IL17RD: variants seen among roughly 807,000 people sequenced by gnomAD.
The protein encoded by IL17RD is interleukin 17 receptor D.
IL17RD carries 52 observed loss-of-function variants against 80.5 expected under a neutral mutation model. The observed-to-expected ratio is 0.65, with a 90% CI of 0.52 to 0.81. The LOEUF (loss-of-function observed/expected upper bound fraction) is 0.81, where lower values mean the gene tolerates loss of function less well. Ranked by LOEUF, IL17RD falls within the 40% of genes least tolerant of loss-of-function variation. IL17RD has a pLI of 0.00. For missense variants in IL17RD, 1,024 were observed against 955.1 expected (o/e 1.07, Z -0.95); for synonymous variants, 416 against 391.8 (o/e 1.06, Z -0.73).
rs1440602786 is a variant in IL17RD, at chr3:57,127,314, A to AT, written c.127-7002_127-7001insA. The stretch of plus-strand genomic sequence containing the variant: ...TATATAAATATATATAAAAATATAT[A>AT]AAAATATATATAAATATATATAAAA... On this transcript the variant is annotated intron_variant, in intron 1 of 12. Transcript: ENST00000296318. 7.1e-4 allele frequency among the ~76,000 whole-genome samples: 71 copies of AT among 100,360 alleles called. 3 individuals carry two copies. Among genetic ancestry groups the AT allele is most frequent in the African/African-American group, 3.5e-3 (60 of 16,944 alleles). The allele number at this position is 100,360 out of a possible 152,430, so 65.8% of individuals were successfully genotyped here.
chr3:57,116,408 C>T (rs1370119329), intron 2 of IL17RD, among the ~76,000 whole-genome samples: 8 of 151,464 alleles, frequency 5.3e-5, no homozygotes, highest in Non-Finnish European at 1.2e-4. Flanking sequence ...CTCAGCCTCC[C>T]GAGTAGCTGG....
intron 1 of IL17RD, chr3:57,134,286 A>T: frequency 1.5e-6 from 1 of 682,246 alleles, no homozygotes; most frequent in South Asian, 1.4e-5. Context: ...TGGGCTGATC[A>T]TCTACAAACC....
upstream of IL17RD, among the ~76,000 whole-genome samples, chr3:57,166,392 T>C (rs2060348275): frequency 6.6e-6 from 1 of 152,080 alleles, no homozygotes; most frequent in African/African-American, 2.4e-5. Flanking sequence ...CTAGGCTGAG[T>C]GCAGTGGCCA....
At chr3:57,153,847 T>C (rs1243500429) in intron 1 of IL17RD, among the ~76,000 whole-genome samples, 5 of 152,170 alleles carry the variant, frequency 3.3e-5, no homozygotes, top group Non-Finnish European at 4.4e-5. Flanking sequence ...ATTTACATTT[T>C]ATATATTATA....
intron 1 of IL17RD, chr3:57,164,906 A>C: frequency 8.1e-7 from 1 of 1,228,470 alleles, no homozygotes; most frequent in Non-Finnish European, 1.0e-6. Flanking sequence ...TCTGAATGGG[A>C]CCCCGGCCGG....
chr3:57,143,818 G>A (rs1418476454), intron 1 of IL17RD, among the ~76,000 whole-genome samples: 1 of 152,206 alleles, frequency 6.6e-6, no homozygotes, highest in Non-Finnish European at 1.5e-5. Context: ...TCTGAGTGAA[G>A]GCGAGGGGGG....
chr3:57,136,641 C>CA (rs59941543), intron 1 of IL17RD, among the ~76,000 whole-genome samples: 1,982 of 47,870 alleles, frequency 0.041, 67 homozygotes, highest in Middle Eastern at 0.11. Context: ...AACCCCCACT[C>CA]AAAAAAAAAA....
At chr3:57,109,514 C>T in intron 5 of IL17RD, 23 bp downstream of exon 5, 1 of 1,601,376 alleles carries the variant, frequency 6.2e-7, no homozygotes, top group Non-Finnish European at 8.5e-7. Flanking sequence ...TCATGGGAAC[C>T]AGGCAGGAAA....
chr3:57,111,501 C>A (rs933018956), intron 3 of IL17RD, among the ~76,000 whole-genome samples: 6 of 151,996 alleles, frequency 3.9e-5, no homozygotes, highest in Non-Finnish European at 5.9e-5. Context: ...GTCATTAGAC[C>A]AACAACTATT....
intron 1 of IL17RD, among the ~76,000 whole-genome samples, chr3:57,138,116 T>C (rs749138369): frequency 8.6e-5 from 13 of 151,768 alleles, no homozygotes; most frequent in Admixed American, 8.5e-4. Context: ...GAATGGGGAG[T>C]TATTGTTTAA....
chr3:57,112,550 T>TA (rs1707123370), intron 3 of IL17RD, among the ~76,000 whole-genome samples: 1 of 152,246 alleles, frequency 6.6e-6, no homozygotes, highest in Non-Finnish European at 1.5e-5. Flanking sequence ...TCACATCTCT[T>TA]ACTTTCATTC....
At chr3:57,120,364 C>A in intron 1 of IL17RD, 51 bp from the exon 2 acceptor site, 1 of 1,350,590 alleles carries the variant, frequency 7.4e-7, no homozygotes, top group Non-Finnish European at 1.1e-6. Context: ...TTTGCTCTTC[C>A]AACACAAAGC....
intron 9 of IL17RD, among the ~76,000 whole-genome samples, 166 bp from the exon 10 acceptor site, chr3:57,102,755 T>A (rs944782730): frequency 6.6e-6 from 1 of 152,230 alleles, no homozygotes; most frequent in Admixed American, 6.5e-5. Flanking sequence ...AAGGTTCATA[T>A]TTAAAGAGTT....
At chr3:57,108,021 C>A (rs985362780) in intron 5 of IL17RD, among the ~76,000 whole-genome samples, 3 of 152,024 alleles carry the variant, frequency 2.0e-5, no homozygotes, top group Non-Finnish European at 4.4e-5. Context: ...TTTCATGCTC[C>A]TACCTTTACC....
chr3:57,124,251 G>T (rs1175886014), intron 1 of IL17RD, among the ~76,000 whole-genome samples: 1 of 152,156 alleles, frequency 6.6e-6, no homozygotes, highest in African/African-American at 2.4e-5. Context: ...TACACCTCAG[G>T]ATAGGTAGAA....
intron 3 of IL17RD, among the ~76,000 whole-genome samples, chr3:57,113,130 T>G (rs1348463743): frequency 6.6e-6 from 1 of 152,216 alleles, no homozygotes; most frequent in Non-Finnish European, 1.5e-5. Flanking sequence ...CATTCTTTCC[T>G]GTGTATCTTC....
chr3:57,109,793 A>G, intron 4 of IL17RD, 136 bp from the exon 5 acceptor site: 1 of 858,620 alleles, frequency 1.2e-6, no homozygotes, highest in African/African-American at 1.7e-5. Context: ...GGAAGCAGGA[A>G]GTCAGGTCTA....
intron 3 of IL17RD, 26 bp from the exon 4 acceptor site, chr3:57,110,337 AAT>A (rs1267114879): frequency 4.5e-6 from 7 of 1,562,256 alleles, no homozygotes; most frequent in Non-Finnish European, 6.1e-6. Flanking sequence ...TGCTTTTATT[AAT>A]AGTGAACCTA....
intron 1 of IL17RD, among the ~76,000 whole-genome samples, chr3:57,146,040 C>CGT (rs1559483510): frequency 5.4e-5 from 8 of 147,930 alleles, no homozygotes; most frequent in Admixed American, 4.2e-4. Context: ...CACGCGCGCG[C>CGT]GCGCGCACAC....
Sources: allele counts gnomAD v4.1 joint callset (sites outside exome capture counted in the v4.1 genomes callset), GRCh38; gene constraint gnomAD v4.1.1; transcripts MANE v1.5; gene names NCBI Gene and HGNC (gene_info 2026-07-23, HGNC 2026-07-21).